TNN: variants seen among roughly 807,000 people sequenced by gnomAD.
TNN encodes tenascin N.
A neutral mutation model predicts 134.4 loss-of-function variants in TNN; 122 were observed. The ratio of observed to expected loss-of-function variants is 0.91; its 90% CI spans 0.78 to 1.06. The LOEUF is 1.06. Among genes scored for constraint, TNN ranks in the 50% least tolerant of loss-of-function variants. The probability of loss-of-function intolerance (pLI) is 0.00; values close to 1 mark genes in which losing one functional copy is unlikely to be tolerated. For synonymous variants in TNN, 710 were observed against 670.3 expected (o/e 1.06, Z -0.91); for missense variants, 1,739 against 1,699.4 (o/e 1.02, Z -0.41).
Position 175,083,949 on chromosome 1 carries a change from C to T in TNN, c.1234+14C>T. On this transcript the variant is annotated intron_variant, in intron 5 of 18. Coordinates refer to ENST00000239462, the MANE Select transcript of TNN (RefSeq NM_022093.2). ...ATGACATCACTGGTAAGAGCCATCA[C>T]TGGAATGTGAGATGTATGCTGTGGA... is the stretch of plus-strand genomic sequence containing the variant. 6.2e-7 allele frequency: 1 copy of T among 1,612,740 alleles called. No homozygotes were observed. The highest frequency in any genetic ancestry group is 8.5e-7 in the Non-Finnish European group (1 of 1,179,348).
intron 9 of TNN, among the ~76,000 whole-genome samples, chr1:175,109,673 TTA>T (rs371435071): frequency 5.4e-5 from 8 of 147,668 alleles, no homozygotes; most frequent in Non-Finnish European, 6.0e-5. Context: ...TATATATATA[TTA>T]TATATATATA....
intron 14 of TNN, 136 bp downstream of exon 14, chr1:175,128,300 T>C (rs1450191947): frequency 3.3e-6 from 3 of 906,316 alleles, no homozygotes; most frequent in Non-Finnish European, 4.9e-6. Context: ...GAAATGGGGT[T>C]GTGTGTTCAA....
At chr1:175,117,828 T>C (rs1173845096) in intron 10 of TNN, among the ~76,000 whole-genome samples, 1 of 152,140 alleles carries the variant, frequency 6.6e-6, no homozygotes, top group African/African-American at 2.4e-5. Flanking sequence ...ATTCCTCTTG[T>C]TGAATAGCAG....
At chr1:175,073,748 G>T (rs1488553413) in intron 1 of TNN, among the ~76,000 whole-genome samples, 1 of 152,194 alleles carries the variant, frequency 6.6e-6, no homozygotes, top group Admixed American at 6.5e-5. Context: ...GGCTGTTGTG[G>T]TTCCCTCTGT....
At chr1:175,142,909 C>A (rs553914330) in intron 17 of TNN, among the ~76,000 whole-genome samples, 1 of 152,228 alleles carries the variant, frequency 6.6e-6, no homozygotes, top group South Asian at 2.1e-4. Context: ...AGCCACCGTG[C>A]CTGGCCCATT....
chr1:175,077,740 C>T lies in TNN; in HGVS notation c.322C>T (p.Leu108Phe). 6.2e-7 allele frequency: 1 copy of T among 1,614,224 alleles called. No individual in the cohort carries two copies. Among genetic ancestry groups the T allele is most frequent in the South Asian group, 1.1e-5 (1 of 91,088 alleles). Residue 108 changes from leucine (L) to phenylalanine (F), a missense_variant, in exon 2 of 19, where the codon CTC (leucine) becomes TTC (phenylalanine). Leu to Phe is a conservative substitution (Grantham distance 22). Coordinates refer to ENST00000239462, the MANE Select transcript of TNN (RefSeq NM_022093.2). ...CGAGTTGGCAGGCAGTGTCCAGGAC[C>T]TCCTGGCCCGGGTGAAGAAGCTGGA... is the stretch of plus-strand genomic sequence containing the variant. ...DCELAGSVQDLLARVKKLEEE... is the reference protein window; with the variant it reads ...DCELAGSVQDFLARVKKLEEE...
rs1173468301 is a variant in TNN at position 175,128,710 on chromosome 1, G to T, written c.3294G>T (p.Val1098=). 6.2e-7 allele frequency: 1 copy of T among 1,613,948 alleles called. No homozygotes were observed. Among genetic ancestry groups the T allele is most frequent in the South Asian group, 1.1e-5 (1 of 91,052 alleles). The change falls in exon 15 of 19, where the codon GTG becomes GTT. Residue 1098 remains valine (V), a synonymous_variant. Coordinates refer to ENST00000239462, the MANE Select transcript of TNN (RefSeq NM_022093.2). The stretch of plus-strand genomic sequence containing the variant: ...GCGATGCCAGCCGGCCCCTGCAGGT[G>T]TACTGTGACATGGAAACGGACGGAG... ...LHGDASRPLQ[V]YCDMETDGGG...
In TNN at chr1:175,125,697, TTTTCTCTCTTTC is replaced by T. The variant is rs1217851912; in HGVS notation, c.2915-1252_2915-1241del. ...TCCCTCCCTCCTTTCTTTCTCTCTTTTTTCTCTCTTTCTTTCTTTCTTTCTTTCTTTCTTTCT... is the reference window on the plus strand; with the variant it reads ...TCCCTCCCTCCTTTCTTTCTCTCTTTTTTCTTTCTTTCTTTCTTTCTTTCT... On this transcript the variant is annotated intron_variant, in intron 12 of 18. Coordinates refer to ENST00000239462, the MANE Select transcript of TNN (RefSeq NM_022093.2). Among the ~76,000 whole-genome samples the T allele has an allele frequency of 1.3e-3, 66 of 52,102 alleles. 1 individual carries two copies. The highest frequency in any genetic ancestry group is 0.012 in the East Asian group (27 of 2,316). The allele number at this position is 52,102 out of a possible 152,430, so 34.2% of individuals were successfully genotyped here. A position where few individuals can be genotyped will look rare whatever the true frequency, so the allele number is the denominator to read the frequency against.
intron 6 of TNN, among the ~76,000 whole-genome samples, chr1:175,093,713 A>G (rs1004132879): frequency 6.6e-6 from 1 of 152,164 alleles, no homozygotes; most frequent in Non-Finnish European, 1.5e-5. Flanking sequence ...AGGGTAGACA[A>G]TTAGAAGGAG....
At chr1:175,132,689 G>T (rs1432387011) in intron 15 of TNN, among the ~76,000 whole-genome samples, 1 of 152,210 alleles carries the variant, frequency 6.6e-6, no homozygotes, top group African/African-American at 2.4e-5. Flanking sequence ...CTGGCTGAGG[G>T]TCAGCAATAG....
chr1:175,132,809 G>T (rs1379319209), intron 15 of TNN, among the ~76,000 whole-genome samples: 1 of 152,250 alleles, frequency 6.6e-6, no homozygotes, highest in African/African-American at 2.4e-5. Flanking sequence ...TTGGCCAGCA[G>T]ACATGAATGG....
Position 175,077,796 on chromosome 1 carries a change from T to C in TNN, c.378T>C (p.Cys126=), listed in dbSNP as rs780534762. The C allele has an allele frequency of 3.7e-6, 6 of 1,613,906 alleles. No individual in the cohort carries two copies. In the African/African-American group the frequency reaches 6.7e-5, roughly 18 times the overall value. ...EEEMVEMKEQ[C]SAQRCCQGVT... ...AGATGGTGGAGATGAAGGAACAGTG[T>C]AGTGCCCAGCGCTGCTGCCAGGGAG... The change falls in exon 2 of 19, where the codon TGT becomes TGC. Residue 126 remains cysteine (C), a synonymous_variant. Coordinates refer to ENST00000239462, the MANE Select transcript of TNN (RefSeq NM_022093.2).
chr1:175,085,937 T>A (rs1025853633), intron 6 of TNN, among the ~76,000 whole-genome samples: 1 of 152,094 alleles, frequency 6.6e-6, no homozygotes, highest in Non-Finnish European at 1.5e-5. Flanking sequence ...TATCCCTTTA[T>A]GTACTGATGT....
rs564455281 is a variant in TNN, at chr1:175,075,000, GA to G, written c.-35-2382del. Among the ~76,000 whole-genome samples the G allele has an allele frequency of 4.6e-5, 7 of 151,456 alleles. 1 individual carries two copies. In the East Asian group the frequency reaches 1.4e-3, roughly 30 times the overall value. On this transcript the variant is annotated intron_variant, in intron 1 of 18. Transcript: ENST00000239462. Reference sequence around the variant, plus strand: ...TTCCTTACCTTTTGAGTGAGGAGAGGAACACTGACCTTACATGGCAGCTCTG... The same window carrying G: ...TTCCTTACCTTTTGAGTGAGGAGAGGACACTGACCTTACATGGCAGCTCTG...
intron 1 of TNN, among the ~76,000 whole-genome samples, chr1:175,073,876 C>T (rs140227554): frequency 5.5e-4 from 83 of 152,250 alleles, no homozygotes; most frequent in African/African-American, 2.0e-3. Flanking sequence ...CTGCTGCAGT[C>T]GCCCCCTTGG....
In TNN at chr1:175,077,642, T is replaced by TG; in HGVS notation, c.229dup (p.Glu77GlyfsTer51). 6.2e-7 allele frequency: 1 copy of TG among 1,614,142 alleles called. No homozygotes were observed. Among genetic ancestry groups the TG allele is most frequent in the Non-Finnish European group, 8.5e-7 (1 of 1,180,014 alleles). ...GACGATGGGGCTTCGCTCTTGGCCC[T>TG]GGGGGAGGCCAGGGAGGAACAGAAC... On this transcript the variant is annotated frameshift_variant, in exon 2 of 19. Coordinates refer to ENST00000239462, the MANE Select transcript of TNN (RefSeq NM_022093.2). LOFTEE classifies it high-confidence loss of function.
At chr1:175,121,213 C>A (rs1675367172) in intron 11 of TNN, among the ~76,000 whole-genome samples, 1 of 152,214 alleles carries the variant, frequency 6.6e-6, no homozygotes, top group African/African-American at 2.4e-5. Context: ...ATACTTTCAT[C>A]ATTGCAGAGA....
intron 9 of TNN, among the ~76,000 whole-genome samples, chr1:175,108,594 C>T (rs1003738027): frequency 6.6e-6 from 1 of 152,354 alleles, no homozygotes; most frequent in African/African-American, 2.4e-5. Context: ...AGGTCTCGAG[C>T]CCTGCCCCGT....
In TNN at chr1:175,097,516, T is replaced by G; in HGVS notation, c.1688T>G (p.Val563Gly). The G allele has an allele frequency of 6.2e-7, 1 of 1,614,168 alleles. No individual in the cohort carries two copies. Among genetic ancestry groups the G allele is most frequent in the Non-Finnish European group, 8.5e-7 (1 of 1,180,034 alleles). The change falls in exon 8 of 19, where the codon GTG becomes GGG. Residue 563 changes from valine (V) to glycine (G), a missense_variant. Val to Gly is a moderately radical substitution (Grantham distance 109). Transcript: ENST00000239462. Reference sequence around the variant, plus strand: ...CAGGCCACCATTGACAAGTACGTGGTGCGCTACACCTCTGCTGACGACCAA... The same window carrying G: ...CAGGCCACCATTGACAAGTACGTGGGGCGCTACACCTCTGCTGACGACCAA... ...PVQATIDKYV[V>G]RYTSADDQET...
Sources: gnomAD v4.1 joint callset for allele counts (sites outside exome capture counted in the v4.1 genomes callset) on GRCh38, gnomAD v4.1.1 for gene constraint, MANE v1.5 for transcripts, NCBI Gene and HGNC (gene_info 2026-07-23, HGNC 2026-07-21) for gene names.